CTNNA3: variants seen among roughly 807,000 people sequenced by gnomAD.
CTNNA3 encodes the protein catenin alpha 3.
CTNNA3 carries 76 observed loss-of-function variants against 95.7 expected under a neutral mutation model. The ratio of observed to expected loss-of-function variants is 0.79; its 90% CI spans 0.66 to 0.96. The LOEUF is 0.96. CTNNA3 is among the 40% of genes least tolerant of loss of function. CTNNA3 has a pLI of 0.00. For synonymous variants in CTNNA3, 431 were observed against 374.4 expected (o/e 1.15, Z -1.74); for missense variants, 1,191 against 1,089.8 (o/e 1.09, Z -1.31).
chr10:66,474,090 T>C (rs1271089682), intron 11 of CTNNA3, among the ~76,000 whole-genome samples: 1 of 152,022 alleles, frequency 6.6e-6, no homozygotes, highest in Non-Finnish European at 1.5e-5. Context: ...AATCCTCTCT[T>C]CTAGCTATTT....
intron 9 of CTNNA3, among the ~76,000 whole-genome samples, chr10:66,632,214 G>A (rs936906224): frequency 2.6e-5 from 4 of 151,976 alleles, no homozygotes; most frequent in Non-Finnish European, 5.9e-5. Context: ...AAATTTTAAT[G>A]TGCATCTGGA....
At chr10:66,549,254 C>G (rs116846476) in intron 10 of CTNNA3, among the ~76,000 whole-genome samples, 18,339 of 152,032 alleles carry the variant, frequency 0.12, 1,587 homozygotes, top group Non-Finnish European at 0.18. Context: ...TCTGTCTCCA[C>G]CAAAGTGCTG....
chr10:65,921,184 A>G (rs1164885681), intron 17 of CTNNA3, among the ~76,000 whole-genome samples: 1 of 152,220 alleles, frequency 6.6e-6, no homozygotes, highest in East Asian at 1.9e-4. Flanking sequence ...TGCTCTTAAA[A>G]ACATATCAAT....
In CTNNA3 at chr10:67,130,713, G is replaced by A. The variant is rs76416575; in HGVS notation, c.1047+49604C>T. ...ATGTTGAGCATGGAAATGGGAACTA[G>A]AACGGTTTATAATCCTGTGATCTGA... On this transcript the variant is annotated intron_variant, in intron 7 of 17. Transcript: ENST00000433211. 2.3e-3 allele frequency among the ~76,000 whole-genome samples: 348 copies of A among 152,230 alleles called. 1 individual carries two copies. Among genetic ancestry groups the A allele is most frequent in the African/African-American group, 8.0e-3 (334 of 41,554 alleles).
intron 13 of CTNNA3, among the ~76,000 whole-genome samples, chr10:66,161,898 T>C (rs778346250): frequency 5.3e-5 from 8 of 152,152 alleles, no homozygotes; most frequent in Non-Finnish European, 1.2e-4. Context: ...TCATATTTTT[T>C]TATTCTATTT....
intron 10 of CTNNA3, among the ~76,000 whole-genome samples, chr10:66,594,922 T>A (rs904443341): frequency 1.3e-5 from 2 of 152,142 alleles, no homozygotes; most frequent in African/African-American, 2.4e-5. Context: ...TTAAATGAGT[T>A]AATATATAAA....
chr10:66,707,368 T>C (rs1848151365), intron 9 of CTNNA3, among the ~76,000 whole-genome samples: 1 of 152,072 alleles, frequency 6.6e-6, no homozygotes, highest in African/African-American at 2.4e-5. Flanking sequence ...GTATGGCCAC[T>C]TTTACAGTCT....
chr10:67,419,782 G>A (rs1200840619), intron 5 of CTNNA3, among the ~76,000 whole-genome samples: 1 of 152,120 alleles, frequency 6.6e-6, no homozygotes, highest in African/African-American at 2.4e-5. Context: ...CACCAGTACA[G>A]TAGCTATATT....
At chr10:66,689,581 G>GAAGAAATGAAAAAT (rs1847438338) in intron 9 of CTNNA3, among the ~76,000 whole-genome samples, 1 of 152,056 alleles carries the variant, frequency 6.6e-6, no homozygotes, top group Non-Finnish European at 1.5e-5. Flanking sequence ...AAATATTATG[G>GAAGAAATGAAAAAT]TCAGTTTTCT....
intron 11 of CTNNA3, among the ~76,000 whole-genome samples, chr10:66,461,535 C>T (rs191419577): frequency 1.3e-5 from 2 of 151,994 alleles, no homozygotes; most frequent in Admixed American, 1.3e-4. Context: ...TCCATCCCTG[C>T]TTCTTGGGTA....
intron 10 of CTNNA3, among the ~76,000 whole-genome samples, chr10:66,589,000 C>T (rs1306054985): frequency 6.6e-6 from 1 of 152,036 alleles, no homozygotes; most frequent in Admixed American, 6.5e-5. Context: ...TAATTAAATA[C>T]ATTTGTTAAC....
chr10:67,374,281 T>A (rs1843608344), intron 5 of CTNNA3, among the ~76,000 whole-genome samples: 1 of 152,174 alleles, frequency 6.6e-6, no homozygotes, highest in South Asian at 2.1e-4. Flanking sequence ...TAAAATATTA[T>A]TTATAACAAC....
At chr10:67,165,379 G>A (rs1861722467) in intron 7 of CTNNA3, among the ~76,000 whole-genome samples, 1 of 152,178 alleles carries the variant, frequency 6.6e-6, no homozygotes, top group Admixed American at 6.5e-5. Flanking sequence ...GGGGTAGGGA[G>A]GGGCAGGTGT....
chr10:66,445,019 C>T (rs1264409536), intron 11 of CTNNA3, among the ~76,000 whole-genome samples: 1 of 151,568 alleles, frequency 6.6e-6, no homozygotes, highest in African/African-American at 2.4e-5. Flanking sequence ...GCAGGGGTCG[C>T]AATCCTAGTC....
chr10:66,938,262 C>T (rs1191196574), intron 7 of CTNNA3, among the ~76,000 whole-genome samples: 1 of 152,006 alleles, frequency 6.6e-6, no homozygotes, highest in Non-Finnish European at 1.5e-5. Context: ...GACCACTAAA[C>T]AATGTGAGGG....
chr10:66,495,834 T>TTA (rs1312709919), intron 11 of CTNNA3, among the ~76,000 whole-genome samples: 4 of 152,056 alleles, frequency 2.6e-5, no homozygotes, highest in Admixed American at 2.6e-4. Context: ...TTTTGCATTT[T>TTA]TAGTAGAGAC....
intron 13 of CTNNA3, among the ~76,000 whole-genome samples, chr10:66,275,148 T>C (rs555128515): frequency 1.3e-5 from 2 of 152,256 alleles, no homozygotes; most frequent in South Asian, 4.1e-4. Flanking sequence ...GATGGAATTT[T>C]GCTCTGTCAC....
intron 13 of CTNNA3, among the ~76,000 whole-genome samples, chr10:66,228,715 C>T (rs2089444278): frequency 6.6e-6 from 1 of 152,180 alleles, no homozygotes; most frequent in South Asian, 2.1e-4. Context: ...AATCTGTCCA[C>T]TCTCTGTTCA....
chr10:66,739,700 C>T (rs907227741), intron 9 of CTNNA3, among the ~76,000 whole-genome samples: 2 of 152,040 alleles, frequency 1.3e-5, no homozygotes, highest in Non-Finnish European at 1.5e-5. Context: ...TAATTTGTAA[C>T]GTACTGGCCA....
Sources: allele counts gnomAD v4.1 joint callset (sites outside exome capture counted in the v4.1 genomes callset), GRCh38; gene constraint gnomAD v4.1.1; transcripts MANE v1.5; gene names NCBI Gene and HGNC (gene_info 2026-07-23, HGNC 2026-07-21).